The following AGMO variants were observed in gnomAD, a reference collection of about 807,000 sequenced individuals.
AGMO encodes alkylglycerol monooxygenase.
AGMO carries 75 observed loss-of-function variants against 60.2 expected under a neutral mutation model. The observed-to-expected ratio is 1.25, with a 90% CI of 1.03 to 1.51. The LOEUF is 1.51. Among genes scored for constraint, AGMO ranks in the 40% most tolerant of loss-of-function variants. The probability of loss-of-function intolerance (pLI) is 0.00; values close to 1 mark genes in which losing one functional copy is unlikely to be tolerated. For synonymous variants in AGMO, 261 were observed against 177.1 expected (o/e 1.47, Z -3.76); for missense variants, 763 against 525.5 (o/e 1.45, Z -4.42).
chr7:15,531,633 C>T (rs1483520968), intron 3 of AGMO, among the ~76,000 whole-genome samples: 3 of 117,644 alleles, frequency 2.6e-5, no homozygotes, highest in South Asian at 2.5e-4. Context: ...TATATATATT[C>T]TATATATATA....
chr7:15,290,996 C>T (rs1212912422), intron 12 of AGMO, among the ~76,000 whole-genome samples: 6 of 151,764 alleles, frequency 4.0e-5, no homozygotes, highest in Admixed American at 6.6e-5. Context: ...TCCGTTTTTT[C>T]GAAAGTGCAT....
the AGMO span, among the ~76,000 whole-genome samples, chr7:15,162,513 T>C: frequency 6.6e-6 from 1 of 151,888 alleles, no homozygotes; most frequent in Non-Finnish European, 1.5e-5. Flanking sequence ...GACAACATGG[T>C]GGAAACCCAG....
intron 3 of AGMO, among the ~76,000 whole-genome samples, chr7:15,492,835 T>C (rs1783103680): frequency 6.6e-6 from 1 of 152,050 alleles, no homozygotes; most frequent in South Asian, 2.1e-4. Context: ...TCCTAGTCCT[T>C]TTGCAACCTC....
chr7:15,163,807 T>C, the AGMO span, among the ~76,000 whole-genome samples: 1 of 152,100 alleles, frequency 6.6e-6, no homozygotes, highest in Middle Eastern at 3.4e-3. Context: ...TGCCCTTGCC[T>C]GATTTTGATA....
the AGMO span, among the ~76,000 whole-genome samples, chr7:15,135,166 G>A: frequency 2.6e-5 from 1 of 38,616 alleles, no homozygotes; most frequent in Non-Finnish European, 6.2e-5. Context: ...ATGAGTTTGT[G>A]TGTGTGTGTG....
chr7:15,547,787 G>A lies in AGMO; in HGVS notation c.258-2864C>T, dbSNP rs933285668. Among the ~76,000 whole-genome samples the A allele has an allele frequency of 7.4e-4, 113 of 152,012 alleles. No homozygotes were observed. The Middle Eastern group carries it at 0.02, about 27-fold the overall frequency. ...CTTGATTAGGTAAACAAAGCAGCCG[G>A]GAAGCTCCAACTGGGTGGAACCCAC... On this transcript the variant is annotated intron_variant, in intron 2 of 12. Transcript: ENST00000342526.
At position 15,446,330 on chromosome 7, in the gene AGMO, T is replaced by A. The variant is rs1583560778; in HGVS notation, c.410-15222A>T. 2.0e-5 allele frequency among the ~76,000 whole-genome samples: 3 copies of A among 152,288 alleles called. No individual in the cohort carries two copies. The South Asian group carries it at 6.2e-4, about 32-fold the overall frequency. On this transcript the variant is annotated intron_variant, in intron 3 of 12. Transcript: ENST00000342526. ...TCTCTCTTTCCCTGTGATCAGCTTGTATGAAACATTGCCCATCATAAATAG... is the reference window on the plus strand; with the variant it reads ...TCTCTCTTTCCCTGTGATCAGCTTGAATGAAACATTGCCCATCATAAATAG...
chr7:15,127,945 CAT>C, the AGMO span, among the ~76,000 whole-genome samples: 1 of 152,156 alleles, frequency 6.6e-6, no homozygotes, highest in East Asian at 1.9e-4. Flanking sequence ...CCATTAGTGA[CAT>C]GTTTGTTCCC....
chr7:15,498,014 T>C (rs934330265), intron 3 of AGMO, among the ~76,000 whole-genome samples: 1 of 152,040 alleles, frequency 6.6e-6, no homozygotes, highest in Non-Finnish European at 1.5e-5. Context: ...ATACTATGTA[T>C]ACTGCACCCA....
intron 12 of AGMO, among the ~76,000 whole-genome samples, chr7:15,288,156 T>C (rs1334604791): frequency 6.6e-6 from 1 of 152,120 alleles, no homozygotes; most frequent in Non-Finnish European, 1.5e-5. Context: ...CCTGAGTAGC[T>C]AGGACCACAG....
chr7:15,187,417 T>C, the AGMO span, among the ~76,000 whole-genome samples: 1 of 152,212 alleles, frequency 6.6e-6, no homozygotes, highest in Non-Finnish European at 1.5e-5. Context: ...CTCCAGCCTC[T>C]CTGTAGAGCT....
chr7:15,560,063 CA>C (rs1785261469), intron 2 of AGMO, 77 bp downstream of exon 2: 7 of 1,287,368 alleles, frequency 5.4e-6, no homozygotes, highest in Middle Eastern at 2.0e-4. Context: ...CTAATTCTCC[CA>C]TGCATTGGGT....
intron 3 of AGMO, among the ~76,000 whole-genome samples, chr7:15,490,600 A>G (rs1783044895): frequency 6.6e-6 from 1 of 152,176 alleles, no homozygotes. Context: ...CTTTTTTCAT[A>G]TAATGATCTG....
chr7:15,517,078 T>C (rs1216050233), intron 3 of AGMO, among the ~76,000 whole-genome samples: 1 of 152,020 alleles, frequency 6.6e-6, no homozygotes, highest in African/African-American at 2.4e-5. Flanking sequence ...AGAGCTTATA[T>C]TTGATAATGT....
intron 3 of AGMO, among the ~76,000 whole-genome samples, chr7:15,488,622 A>G (rs942361832): frequency 1.3e-5 from 2 of 152,144 alleles, no homozygotes; most frequent in African/African-American, 4.8e-5. Context: ...ATCACAGCAA[A>G]TATTTCATTT....
At chr7:15,492,412 C>T (rs1465223673) in intron 3 of AGMO, among the ~76,000 whole-genome samples, 5 of 147,696 alleles carry the variant, frequency 3.4e-5, no homozygotes, top group South Asian at 2.1e-4. Flanking sequence ...CCATAAAGAA[C>T]GTCTAGACTT....
chr7:15,285,956 C>A (rs1269021513), intron 12 of AGMO, among the ~76,000 whole-genome samples: 1 of 151,860 alleles, frequency 6.6e-6, no homozygotes, highest in Non-Finnish European at 1.5e-5. Flanking sequence ...AGAAAGCATT[C>A]AAAAATATAA....
At chr7:15,335,431 T>C (rs761289623) in intron 12 of AGMO, among the ~76,000 whole-genome samples, 3 of 152,206 alleles carry the variant, frequency 2.0e-5, no homozygotes, top group Non-Finnish European at 4.4e-5. Context: ...CATAGTGGTA[T>C]GCAAAGCAAT....
In AGMO at chr7:15,365,727, A is replaced by C. The variant is rs539269429; in HGVS notation, c.1158-108T>G. 3.3e-4 allele frequency: 242 copies of C among 740,034 alleles called. 1 individual carries two copies. Among genetic ancestry groups the C allele is most frequent in the Non-Finnish European group, 4.7e-4 (215 of 461,258 alleles). The allele number at this position is 740,034 out of a possible 1,614,324, so 45.8% of individuals were successfully genotyped here. ...ATTCTCAAGAAATACCTAGTATTTTAATATATTTGAAAAGCATGTCCCCTG... is the reference window on the plus strand; with the variant it reads ...ATTCTCAAGAAATACCTAGTATTTTCATATATTTGAAAAGCATGTCCCCTG... On this transcript the variant is annotated intron_variant, in intron 11 of 12. Transcript: ENST00000342526.
Sources: allele counts gnomAD v4.1 joint callset (sites outside exome capture counted in the v4.1 genomes callset), GRCh38; gene constraint gnomAD v4.1.1; transcripts MANE v1.5; gene names NCBI Gene and HGNC (gene_info 2026-07-23, HGNC 2026-07-21).